CDH13: variants seen among roughly 807,000 people sequenced by gnomAD.
CDH13 encodes the protein cadherin 13.
In CDH13, 24 loss-of-function variants were observed where a neutral mutation model predicts 63.8. The ratio of observed to expected loss-of-function variants is 0.38; its 90% CI spans 0.27 to 0.53. The LOEUF (loss-of-function observed/expected upper bound fraction) is 0.53. CDH13 is among the 20% of genes least tolerant of loss of function. CDH13 has a pLI of 0.85. For missense variants in CDH13, 1,049 were observed against 903.1 expected, an observed-to-expected ratio of 1.16 and a Z score of -2.07; for synonymous variants, 503 against 355.3, an observed-to-expected ratio of 1.42 and a Z score of -4.67.
At chr16:83,607,856 C>T (rs1342530855) in intron 8 of CDH13, among the ~76,000 whole-genome samples, 2 of 152,106 alleles carry the variant, frequency 1.3e-5, no homozygotes, top group African/African-American at 2.4e-5. Flanking sequence ...TTGAAATATA[C>T]ATGAAAACTT....
intron 6 of CDH13, among the ~76,000 whole-genome samples, chr16:83,379,284 C>T (rs558320368): frequency 6.6e-5 from 10 of 152,222 alleles, no homozygotes; most frequent in African/African-American, 1.2e-4. Flanking sequence ...ATATTAGATA[C>T]GAAGCTTGAG....
intron 1 of CDH13, among the ~76,000 whole-genome samples, chr16:82,811,014 C>A (rs961240642): frequency 1.3e-5 from 2 of 152,112 alleles, no homozygotes; most frequent in African/African-American, 2.4e-5. Flanking sequence ...ATCTCAGATC[C>A]TGTTCAGGTG....
At chr16:83,752,287 G>A (rs1051065259) in intron 11 of CDH13, among the ~76,000 whole-genome samples, 2 of 152,206 alleles carry the variant, frequency 1.3e-5, no homozygotes, top group African/African-American at 4.8e-5. Context: ...TACTTGAATT[G>A]TTACCAGAAG....
chr16:82,848,485 C>G (rs1365529556), intron 1 of CDH13, among the ~76,000 whole-genome samples: 2 of 151,942 alleles, frequency 1.3e-5, no homozygotes, highest in African/African-American at 2.4e-5. Context: ...TTTGATAATT[C>G]TCCCGGTTTC....
chr16:82,650,494 C>A (rs575490022), intron 1 of CDH13, among the ~76,000 whole-genome samples: 1 of 152,108 alleles, frequency 6.6e-6, no homozygotes, highest in South Asian at 2.1e-4. Context: ...ATGAGAAGTC[C>A]TAAAAGCCTC....
chr16:83,018,891 A>G (rs975478550), intron 2 of CDH13, among the ~76,000 whole-genome samples: 2 of 152,216 alleles, frequency 1.3e-5, no homozygotes, highest in Non-Finnish European at 2.9e-5. Flanking sequence ...TCTAAAAGGT[A>G]AAATTGGCAC....
intron 1 of CDH13, among the ~76,000 whole-genome samples, chr16:82,698,338 C>G (rs1033362980): frequency 1.3e-5 from 2 of 152,334 alleles, no homozygotes; most frequent in Non-Finnish European, 2.9e-5. Flanking sequence ...GCAAAGAACT[C>G]TATCTCCTGG....
intron 7 of CDH13, among the ~76,000 whole-genome samples, chr16:83,582,495 T>C (rs952021948): frequency 2.6e-5 from 4 of 151,824 alleles, no homozygotes; most frequent in Non-Finnish European, 4.4e-5. Context: ...GAAAAAAAAG[T>C]AAAAGATGTA....
At chr16:82,980,554 T>C (rs1910125799) in intron 2 of CDH13, among the ~76,000 whole-genome samples, 1 of 152,212 alleles carries the variant, frequency 6.6e-6, no homozygotes, top group Non-Finnish European at 1.5e-5. Context: ...AAGGCTCATT[T>C]CATGGTAACA....
intron 10 of CDH13, among the ~76,000 whole-genome samples, chr16:83,689,070 C>T (rs1049773065): frequency 6.6e-6 from 1 of 152,122 alleles, no homozygotes; most frequent in South Asian, 2.1e-4. Context: ...AATCGACCAC[C>T]TTTTTAACAT....
chr16:82,933,453 A>G (rs1444936371), intron 2 of CDH13, among the ~76,000 whole-genome samples: 5 of 152,306 alleles, frequency 3.3e-5, no homozygotes, highest in Non-Finnish European at 7.4e-5. Flanking sequence ...AATTCAGATT[A>G]CCATTCAAGA....
chr16:83,489,941 T>A (rs565142454), intron 7 of CDH13, among the ~76,000 whole-genome samples: 89 of 152,164 alleles, frequency 5.8e-4, no homozygotes, highest in African/African-American at 1.9e-3. Context: ...TCAAATTGCG[T>A]GTTGGAACAA....
intron 6 of CDH13, among the ~76,000 whole-genome samples, chr16:83,374,750 A>G (rs1305832722): frequency 6.6e-6 from 1 of 152,196 alleles, no homozygotes; most frequent in East Asian, 1.9e-4. Flanking sequence ...GAGAGTGTGA[A>G]AGAATGACAG....
chr16:82,851,056 G>A (rs772128152), intron 1 of CDH13, among the ~76,000 whole-genome samples: 2 of 152,150 alleles, frequency 1.3e-5, no homozygotes, highest in Non-Finnish European at 2.9e-5. Context: ...TGTACATGCA[G>A]CTTCCCTGTT....
At chr16:83,240,232 C>T (rs1261633393) in intron 5 of CDH13, among the ~76,000 whole-genome samples, 2 of 152,046 alleles carry the variant, frequency 1.3e-5, no homozygotes, top group African/African-American at 4.8e-5. Context: ...TGCAAAGATC[C>T]GGAGGTCAAA....
intron 7 of CDH13, among the ~76,000 whole-genome samples, chr16:83,571,927 G>T (rs1157148669): frequency 6.6e-6 from 1 of 152,056 alleles, no homozygotes; most frequent in African/African-American, 2.4e-5. Flanking sequence ...ACAGATCCTG[G>T]CTCTGTCATT....
At chr16:83,183,437 T>A (rs1307606468) in intron 4 of CDH13, among the ~76,000 whole-genome samples, 1 of 152,184 alleles carries the variant, frequency 6.6e-6, no homozygotes, top group Non-Finnish European at 1.5e-5. Context: ...GTGAGGAAGA[T>A]CTATAATTAA....
intron 8 of CDH13, among the ~76,000 whole-genome samples, chr16:83,667,290 C>G (rs1914077285): frequency 1.3e-5 from 2 of 152,192 alleles, no homozygotes; most frequent in Non-Finnish European, 2.9e-5. Flanking sequence ...ATACCAGCCC[C>G]TTCAGCAGGT....
chr16:82,737,176 AG>A (rs1403858690), intron 1 of CDH13, among the ~76,000 whole-genome samples: 1 of 152,226 alleles, frequency 6.6e-6, no homozygotes, highest in Non-Finnish European at 1.5e-5. Context: ...GATGTCCCAA[AG>A]GCATGTGAAC....
Sources: gnomAD v4.1 joint callset for allele counts (sites outside exome capture counted in the v4.1 genomes callset) on GRCh38, gnomAD v4.1.1 for gene constraint, MANE v1.5 for transcripts, NCBI Gene and HGNC (gene_info 2026-07-23, HGNC 2026-07-21) for gene names.